The following PUM1 variants were observed in gnomAD, a reference collection of about 807,000 sequenced individuals.
PUM1 encodes pumilio RNA binding family member 1.
A neutral mutation model predicts 131.8 loss-of-function variants in PUM1; 13 were observed. The ratio of observed to expected loss-of-function variants is 0.10; its 90% confidence interval spans 0.06 to 0.16. The LOEUF (loss-of-function observed/expected upper bound fraction) is 0.16, where lower values mean the gene tolerates loss of function less well. PUM1 is among the 10% of genes least tolerant of loss of function. The probability of loss-of-function intolerance (pLI) is 1.00; values close to 1 mark genes in which losing one functional copy is unlikely to be tolerated. For missense variants in PUM1, 961 were observed against 1,512.4 expected (o/e 0.64, Z 6.05); for synonymous variants, 509 against 556.5 (o/e 0.91, Z 1.20).
intron 1 of PUM1, among the ~76,000 whole-genome samples, chr1:31,061,209 AG>A (rs758653317): frequency 9.9e-5 from 15 of 152,268 alleles, no homozygotes; most frequent in Non-Finnish European, 1.8e-4. Context: ...CTGTCATCCC[AG>A]CACCTTCGGA....
chr1:30,995,716 T>C (rs1210609347), intron 5 of PUM1, among the ~76,000 whole-genome samples: 3 of 152,204 alleles, frequency 2.0e-5, no homozygotes, highest in African/African-American at 7.2e-5. Flanking sequence ...TTCTAAATAT[T>C]GAGCCAAGTG....
chr1:30,970,677 A>G lies in PUM1; in HGVS notation c.1507-2185T>C, dbSNP rs138052033. Among the ~76,000 whole-genome samples, 33 of 152,324 alleles carry G rather than the reference A, an allele frequency of 2.2e-4. No homozygotes were observed. In the East Asian group the frequency reaches 5.4e-3, roughly 25 times the overall value. On this transcript the variant is annotated intron_variant, in intron 10 of 21. Coordinates refer to ENST00000426105, the MANE Select transcript of PUM1 (RefSeq NM_001020658.2). ...AACTCAAAAGAGATCTCACTCTAGG[A>G]TAAGTAAATAGCAAGCATTTTTGCC...
chr1:31,038,984 A>ATATTTTTTTTTTTTTTTTTTT, intron 2 of PUM1, among the ~76,000 whole-genome samples: 3 of 49,418 alleles, frequency 6.1e-5, no homozygotes, highest in East Asian at 6.7e-4. Context: ...ATATATATAT[A>ATATTTTTTTTTTTTTTTTTTT]TTTTTTTTTT....
chr1:31,049,278 G>A (rs1644048763), intron 2 of PUM1, among the ~76,000 whole-genome samples: 1 of 152,150 alleles, frequency 6.6e-6, no homozygotes, highest in Non-Finnish European at 1.5e-5. Flanking sequence ...CACTCTGGGA[G>A]GCTGAGGCAG....
chr1:31,009,767 C>CAAAAAAA (rs751375199), intron 3 of PUM1, among the ~76,000 whole-genome samples: 4 of 54,626 alleles, frequency 7.3e-5, no homozygotes, highest in Non-Finnish European at 1.1e-4. Flanking sequence ...GACTCTGTCT[C>CAAAAAAA]AAAAAAAAAA....
At chr1:30,934,033 C>A (rs1639091620) in intron 21 of PUM1, among the ~76,000 whole-genome samples, 1 of 152,192 alleles carries the variant, frequency 6.6e-6, no homozygotes, top group African/African-American at 2.4e-5. Context: ...AGGTTTCTCC[C>A]CACTGTGCTC....
At chr1:31,009,782 A>AAACAAACAAAAAC (rs1553150215) in intron 3 of PUM1, among the ~76,000 whole-genome samples, 1 of 125,368 alleles carries the variant, frequency 8.0e-6, no homozygotes, top group African/African-American at 3.3e-5. Context: ...AAAAAAAAAA[A>AAACAAACAAAAAC]AAAAACAAAA....
intron 16 of PUM1, among the ~76,000 whole-genome samples, chr1:30,951,574 C>T (rs1283937066): frequency 6.6e-6 from 1 of 152,182 alleles, no homozygotes; most frequent in African/African-American, 2.4e-5. Context: ...GCATCTACAC[C>T]TTAGGGTTGC....
chr1:31,039,618 A>G (rs1643753851), intron 2 of PUM1, among the ~76,000 whole-genome samples: 1 of 152,218 alleles, frequency 6.6e-6, no homozygotes, highest in Non-Finnish European at 1.5e-5. Flanking sequence ...AAAAGATGTT[A>G]GGCTGGACCC....
chr1:31,059,333 G>A lies in PUM1; in HGVS notation c.234C>T (p.Asp78=), dbSNP rs778342626. The A allele has an allele frequency of 6.2e-6, 10 of 1,614,012 alleles. No individual in the cohort carries two copies. Among genetic ancestry groups the A allele is most frequent in the East Asian group, 2.2e-5 (1 of 44,884 alleles). Residue 78 remains aspartate, a synonymous_variant, in exon 2 of 22, where the codon GAC becomes GAT. Coordinates refer to ENST00000426105, the MANE Select transcript of PUM1 (RefSeq NM_001020658.2). Reference sequence around the variant, plus strand: ...TCTGAAAGAAGTAGTCCACCATAGCGTCGTCCTGGGAACGGCCTGCAACTC... The same window carrying A: ...TCTGAAAGAAGTAGTCCACCATAGCATCGTCCTGGGAACGGCCTGCAACTC... The part of the protein sequence containing the change: ...SIGVAGRSQD[D]AMVDYFFQRQ...
chr1:31,006,923 C>T (rs1642418659), intron 4 of PUM1, 71 bp downstream of exon 4: 3 of 1,201,526 alleles, frequency 2.5e-6, no homozygotes, highest in South Asian at 1.3e-5. Context: ...AAATTCATGA[C>T]TTGCCAATTG....
intron 9 of PUM1, among the ~76,000 whole-genome samples, chr1:30,975,235 C>T (rs1010659164): frequency 2.0e-5 from 3 of 152,158 alleles, no homozygotes; most frequent in Non-Finnish European, 2.9e-5. Context: ...GGTGATTTAA[C>T]GGAGTGCTGT....
intron 2 of PUM1, among the ~76,000 whole-genome samples, chr1:31,045,966 C>T (rs1042570680): frequency 2.6e-5 from 4 of 152,058 alleles, no homozygotes; most frequent in Admixed American, 6.6e-5. Flanking sequence ...CTTGTAATCC[C>T]GGCTACTCGG....
At position 30,980,719 on chromosome 1, in the gene PUM1, TA is replaced by T. The variant is rs533457460; in HGVS notation, c.1253-557del. On this transcript the variant is annotated intron_variant, in intron 8 of 21. Coordinates refer to ENST00000426105, the MANE Select transcript of PUM1 (RefSeq NM_001020658.2). ...ACTCAATCATGCCATTTTGACACAT[TA>T]AAAAAAAAAATTCTACTTCTACTTG... Among the ~76,000 whole-genome samples, 152 of 147,640 alleles carry T rather than the reference TA, an allele frequency of 1.0e-3. 1 individual carries two copies. The South Asian group carries it at 0.021, about 21-fold the overall frequency.
chr1:30,946,087 C>T (rs1639653717), intron 17 of PUM1, among the ~76,000 whole-genome samples: 1 of 151,846 alleles, frequency 6.6e-6, no homozygotes, highest in Admixed American at 6.6e-5. Context: ...ACCCGGCCAA[C>T]TCCTAGAGCT....
intron 2 of PUM1, among the ~76,000 whole-genome samples, chr1:31,052,027 T>C (rs2124590139): frequency 6.6e-6 from 1 of 152,224 alleles, no homozygotes; most frequent in South Asian, 2.1e-4. Flanking sequence ...TTTTTTTTTC[T>C]TTGGAGACGG....
At chr1:31,056,889 T>G (rs1374008301) in intron 2 of PUM1, among the ~76,000 whole-genome samples, 1 of 151,940 alleles carries the variant, frequency 6.6e-6, no homozygotes. Context: ...CTGTCCCAGG[T>G]TCAAGTGACT....
chr1:30,957,084 T>TCACA (rs1300737379), intron 14 of PUM1, among the ~76,000 whole-genome samples: 1 of 50,608 alleles, frequency 2.0e-5, no homozygotes, highest in African/African-American at 1.2e-4. Context: ...ACAAGGACAT[T>TCACA]CATACACACA....
rs1641934571 is a variant in PUM1 at position 30,995,111 on chromosome 1, T to C, written c.830A>G (p.Asp277Gly). Residue 277 changes from aspartate (D) to glycine (G), a missense_variant, in exon 6 of 22, where the codon GAC becomes GGC. Around this residue, in one of 4 missense-constraint regions of PUM1, gnomAD observed 654 missense variants for 923.9 expected, o/e 0.71. Transcript: ENST00000426105. ...GDLKEEGDVM[D>G]KTNGLPVQNG... ...CTGCACTGGTAAACCATTGGTCTTG[T>C]CCATCACATCACCCTCCTCCTTCAA... The C allele has an allele frequency of 6.2e-7, 1 of 1,614,228 alleles. No individual in the cohort carries two copies. Among genetic ancestry groups the C allele is most frequent in the Non-Finnish European group, 8.5e-7 (1 of 1,180,028 alleles).
Sources: gnomAD v4.1 joint callset for allele counts (sites outside exome capture counted in the v4.1 genomes callset) on GRCh38, gnomAD v4.1.1 for gene constraint, gnomAD v4.1.1 regional missense constraint, MANE v1.5 for transcripts, NCBI Gene and HGNC (gene_info 2026-07-23, HGNC 2026-07-21) for gene names.